Variants in PTAR1 observed in about 807,000 individuals in gnomAD.
PTAR1 encodes protein prenyltransferase alpha subunit repeat-containing protein 1.
PTAR1 carries 17 observed loss-of-function variants against 45.5 expected under a neutral mutation model. That is an observed-to-expected ratio of 0.37 (90% CI 0.26 to 0.56). PTAR1 has a LOEUF of 0.56. Among genes scored for constraint, PTAR1 ranks in the 20% least tolerant of loss-of-function variants. The pLI is 0.77. For synonymous variants in PTAR1, 169 were observed against 171.3 expected, an observed-to-expected ratio of 0.99 and a Z score of 0.11; for missense variants, 391 against 476.3, an observed-to-expected ratio of 0.82 and a Z score of 1.67.
intron 2 of PTAR1, among the ~76,000 whole-genome samples, chr9:69,746,615 C>T (rs1052383479): frequency 6.6e-6 from 1 of 152,174 alleles, no homozygotes; most frequent in African/African-American, 2.4e-5. Flanking sequence ...GGTCTCTCTC[C>T]AAACAACAGA....
chr9:69,757,819 A>T (rs146742544), intron 1 of PTAR1: 55 of 152,238 alleles, frequency 3.6e-4, no homozygotes, highest in African/African-American at 1.3e-3. Context: ...TAAGGGAAGA[A>T]AGCGCAGGCA....
At chr9:69,718,827 G>A in intron 6 of PTAR1, 143 bp from the exon 7 acceptor site, 2 of 577,526 alleles carry the variant, frequency 3.5e-6, no homozygotes, top group Non-Finnish European at 6.0e-6. Flanking sequence ...GAGGAAGGAG[G>A]AAAAACAGTA....
intron 2 of PTAR1, among the ~76,000 whole-genome samples, chr9:69,748,657 TTATAAA>T (rs1248845463): frequency 6.6e-6 from 1 of 152,154 alleles, no homozygotes; most frequent in Admixed American, 6.6e-5. Context: ...TTGGGTCTTC[TTATAAA>T]TATATATTCT....
chr9:69,718,467 G>C lies in PTAR1; in HGVS notation c.1084C>G (p.Pro362Ala). ...ETKRLKRTPV[P>A]DSLGLEMEHR... ...TCCATTTCTAGGCCTAGGGAGTCTG[G>C]AACTGGCGTCCGCTTCAGGCGTTTG... The change falls in exon 8 of 8, where the codon CCA becomes GCA. Residue 362 changes from proline (P) to alanine (A), a missense_variant. Pro to Ala is a conservative substitution (Grantham distance 27). Transcript: ENST00000340434. 6.2e-7 allele frequency: 1 copy of C among 1,613,740 alleles called. No homozygotes were observed.
rs12352448 is a variant in PTAR1, at chr9:69,723,598, A to G, written c.675T>C (p.His225=). ...ILLDELSSTK[H]WASMHVSDHS... ...GGTCTGAAACGTGCATAGATGCCCA[A>G]TGTTTAGTAGAAGATAGTTCATCAA... The change falls in exon 6 of 8, where the codon CAT becomes CAC. Residue 225 remains histidine (H), a synonymous_variant. Transcript: ENST00000340434. The G allele has an allele frequency of 2.8e-3, 4,456 of 1,613,624 alleles. 122 individuals carry two copies. The African/African-American group carries it at 0.053, about 19-fold the overall frequency.
chr9:69,759,744 C>G, intron 1 of PTAR1, 109 bp downstream of exon 1: 2 of 1,104,168 alleles, frequency 1.8e-6, no homozygotes, highest in Non-Finnish European at 2.5e-6. Context: ...TAGAAGGGCT[C>G]GTGGGCCAGG....
At chr9:69,729,555 T>C (rs928783645) in intron 5 of PTAR1, among the ~76,000 whole-genome samples, 2 of 152,190 alleles carry the variant, frequency 1.3e-5, no homozygotes, top group South Asian at 4.1e-4. Flanking sequence ...CAGTGTTTAT[T>C]GAGCACTTAA....
At chr9:69,753,114 C>A (rs569155961) in intron 1 of PTAR1, among the ~76,000 whole-genome samples, 1 of 149,134 alleles carries the variant, frequency 6.7e-6, no homozygotes, top group East Asian at 2.0e-4. Flanking sequence ...AATCCTGTTT[C>A]TGGGTATGGT....
At chr9:69,723,771 C>G in intron 5 of PTAR1, 141 bp from the exon 6 acceptor site, 1 of 661,306 alleles carries the variant, frequency 1.5e-6, no homozygotes, top group Non-Finnish European at 2.5e-6. Context: ...ATGTCTAGCA[C>G]AGTGCTCTCA....
At position 69,748,997 on chromosome 9, in the gene PTAR1, G is replaced by T. The variant is rs572010224; in HGVS notation, c.256+1784C>A. ...TAGGATCAAATCAAAAGCTGCTTTTGTACACATGCACGGTTGCAGCTGAAT... is the reference window on the plus strand; with the variant it reads ...TAGGATCAAATCAAAAGCTGCTTTTTTACACATGCACGGTTGCAGCTGAAT... On this transcript the variant is annotated intron_variant, in intron 2 of 7. Transcript: ENST00000340434. 5.3e-5 allele frequency among the ~76,000 whole-genome samples: 8 copies of T among 152,266 alleles called. No homozygotes were observed. The South Asian group carries it at 1.7e-3, about 32-fold the overall frequency.
intron 5 of PTAR1, among the ~76,000 whole-genome samples, chr9:69,725,004 T>C (rs1056378546): frequency 6.6e-6 from 1 of 152,186 alleles, no homozygotes; most frequent in South Asian, 2.1e-4. Context: ...ACAGTATCTT[T>C]ATTTGATTTT....
At chr9:69,724,017 C>T (rs1825149408) in intron 5 of PTAR1, among the ~76,000 whole-genome samples, 1 of 152,120 alleles carries the variant, frequency 6.6e-6, no homozygotes. Flanking sequence ...ACTCAGATTA[C>T]TTTGATATAA....
At chr9:69,741,934 C>T in intron 2 of PTAR1, 76 bp from the exon 3 acceptor site, 1 of 862,560 alleles carries the variant, frequency 1.2e-6, no homozygotes, top group Non-Finnish European at 1.9e-6. Context: ...TTTTAAGGTT[C>T]TCTTTCTCTC....
rs1228520518 is a variant in PTAR1 at position 69,716,927 on chromosome 9, G to GT, written c.*1414dup. On this transcript the variant is annotated 3_prime_UTR_variant, in exon 8 of 8. Transcript: ENST00000340434. ...GACACACAAAAGTGACAAAAAATAC[G>GT]TAATGGATTGGCAAAACAAAGTATA... 1 of 152,092 alleles carries GT rather than the reference G, an allele frequency of 6.6e-6. No homozygotes were observed. Among genetic ancestry groups the GT allele is most frequent in the Non-Finnish European group, 1.5e-5 (1 of 68,014 alleles). The allele number at this position is 152,092 out of a possible 1,614,324, so 9.4% of individuals were successfully genotyped here.
Position 69,759,929 on chromosome 9 carries a change from T to A in PTAR1, c.10A>T (p.Thr4Ser), listed in dbSNP as rs1398642473. MAE[T>S]SEEVAVLVQR... ...ACCAGCACCGCCACCTCCTCGCTGG[T>A]CTCGGCCATGTTGGCGGCGGCCGCG... Residue 4 changes from threonine (T) to serine (S), a missense_variant, in exon 1 of 8, where the codon ACC (threonine) becomes TCC (serine). Transcript: ENST00000340434. The A allele has an allele frequency of 5.3e-6, 8 of 1,511,374 alleles. No individual in the cohort carries two copies. In the African/African-American group the frequency reaches 1.2e-4, roughly 22 times the overall value. 93.6% of individuals were successfully genotyped at this position (1,511,374 alleles called of 1,614,324 possible). A position where few individuals can be genotyped will look rare whatever the true frequency, so the allele number is the denominator to read the frequency against.
intron 1 of PTAR1, among the ~76,000 whole-genome samples, chr9:69,754,981 T>A (rs1424583946): frequency 6.6e-6 from 1 of 152,184 alleles, no homozygotes. Context: ...AATTTTGATA[T>A]TTTTAATGGT....
rs576707002 is a variant in PTAR1 at position 69,757,745 on chromosome 9, A to C, written c.86+2108T>G. 2.3e-4 allele frequency: 20 copies of C among 88,540 alleles called. No individual in the cohort carries two copies. In the Admixed American group the frequency reaches 2.9e-3, roughly 13 times the overall value. 5.5% of individuals were successfully genotyped at this position (88,540 alleles called of 1,614,324 possible). Reference sequence around the variant, plus strand: ...AAGTTAGATACAAACGTTACAGATAAACAATGCCTTAAAAAAAAAAAAAGA... The same window carrying C: ...AAGTTAGATACAAACGTTACAGATACACAATGCCTTAAAAAAAAAAAAAGA... On this transcript the variant is annotated intron_variant, in intron 1 of 7. Transcript: ENST00000340434.
At chr9:69,737,976 TTGATA>T (rs1373532022) in intron 3 of PTAR1, among the ~76,000 whole-genome samples, 9 of 152,324 alleles carry the variant, frequency 5.9e-5, no homozygotes, top group African/African-American at 1.9e-4. Context: ...AGTATTGATA[TTGATA>T]TATTTTTATT....
intron 6 of PTAR1, among the ~76,000 whole-genome samples, chr9:69,719,697 C>A (rs1005041569): frequency 6.6e-6 from 1 of 152,096 alleles, no homozygotes; most frequent in Non-Finnish European, 1.5e-5. Context: ...TTTTTATAAA[C>A]TGAAGGTTTG....
Sources: gnomAD v4.1 joint callset for allele counts (sites outside exome capture counted in the v4.1 genomes callset) on GRCh38, gnomAD v4.1.1 for gene constraint, MANE v1.5 for transcripts, NCBI Gene and HGNC (gene_info 2026-07-23, HGNC 2026-07-21) for gene names.